Variants in ARHGAP23 observed in about 807,000 individuals in gnomAD.
ARHGAP23 encodes Rho GTPase activating protein 23.
Under a neutral mutation model 136.3 loss-of-function variants are expected in ARHGAP23, and 34 were observed. The ratio of observed to expected loss-of-function variants is 0.25; its 90% confidence interval spans 0.19 to 0.33. The LOEUF is 0.33. Among genes scored for constraint, ARHGAP23 ranks in the 10% least tolerant of loss-of-function variants. ARHGAP23 has a pLI of 1.00. For synonymous variants in ARHGAP23, 832 were observed against 920.5 expected (o/e 0.90, Z 1.74); for missense variants, 1,808 against 2,139.0 (o/e 0.85, Z 3.05).
At position 38,482,075 on chromosome 17, in the gene ARHGAP23, A is replaced by T; in HGVS notation, c.2683A>T (p.Asn895Tyr). 6.5e-7 allele frequency: 1 copy of T among 1,549,908 alleles called. No homozygotes were observed. The highest frequency in any genetic ancestry group is 8.7e-7 in the Non-Finnish European group (1 of 1,146,382). Residue 895 changes from asparagine to tyrosine, a missense_variant, in exon 15 of 24, where the codon AAT (asparagine) becomes TAT (tyrosine). Coordinates refer to ENST00000622683, the MANE Select transcript of ARHGAP23 (RefSeq NM_001199417.2). ...CTGGGGCATCAACATCATCAAGAAA[A>T]ATAAGAAGGCCGCTCCGAGGGCGTT... Reference protein sequence around the residue: ...TPWGINIIKKNKKAAPRAFGV... With the variant: ...TPWGINIIKKYKKAAPRAFGV...
At chr17:38,436,406 G>A (rs1410579116) in intron 1 of ARHGAP23, among the ~76,000 whole-genome samples, 2 of 149,770 alleles carry the variant, frequency 1.3e-5, no homozygotes, top group Non-Finnish European at 3.0e-5. Context: ...CAAAAAAAAC[G>A]CTGAGGAGAG....
At chr17:38,468,558 C>T (rs1319150231) in intron 7 of ARHGAP23, among the ~76,000 whole-genome samples, 7 of 152,190 alleles carry the variant, frequency 4.6e-5, no homozygotes, top group Admixed American at 4.6e-4. Flanking sequence ...AGGGGGAAGA[C>T]ACAGCCCTGG....
intron 1 of ARHGAP23, among the ~76,000 whole-genome samples, chr17:38,449,908 T>C (rs1272012015): frequency 1.3e-5 from 2 of 152,162 alleles, no homozygotes; most frequent in Non-Finnish European, 2.9e-5. Flanking sequence ...CCACACGCCC[T>C]GCAACACGTC....
chr17:38,429,708 C>T (rs1434391042), intron 1 of ARHGAP23, among the ~76,000 whole-genome samples: 1 of 151,096 alleles, frequency 6.6e-6, no homozygotes. Context: ...TCAGGATGGA[C>T]GGGGGGTGGG....
At chr17:38,431,537 C>A (rs751937842) in intron 1 of ARHGAP23, among the ~76,000 whole-genome samples, 4 of 152,172 alleles carry the variant, frequency 2.6e-5, no homozygotes, top group Non-Finnish European at 5.9e-5. Context: ...GATCCAGGCC[C>A]CCCTGTTTCT....
chr17:38,449,607 C>T (rs1289762300), intron 1 of ARHGAP23, among the ~76,000 whole-genome samples: 7 of 152,142 alleles, frequency 4.6e-5, no homozygotes, highest in East Asian at 1.9e-4. Context: ...GTGGGCGGGG[C>T]GGGCATGTGT....
In ARHGAP23 at chr17:38,462,857, C is replaced by T. The variant is rs923947982; in HGVS notation, c.265C>T (p.Arg89Trp). 50 of 1,521,236 alleles carry T rather than the reference C, an allele frequency of 3.3e-5. No homozygotes were observed. The Middle Eastern group carries it at 5.1e-4, about 15-fold the overall frequency. The allele number at this position is 1,521,236 out of a possible 1,614,324, so 94.2% of individuals were successfully genotyped here. Residue 89 changes from arginine (R) to tryptophan (W), a missense_variant, in exon 4 of 24, where the codon CGG (arginine) becomes TGG (tryptophan). Transcript: ENST00000622683. ...NGGRGGGPSP[R>W]YRLEPMDTIF... ...CTGATGCCCACTAGGACCCTCCCCC[C>T]GGTACCGCCTGGAGCCCATGGACAC...
chr17:38,460,674 C>T (rs993778933), intron 2 of ARHGAP23, among the ~76,000 whole-genome samples: 2 of 152,186 alleles, frequency 1.3e-5, no homozygotes, highest in African/African-American at 4.8e-5. Context: ...TGTTGGATTG[C>T]GGGTTCCCTG....
rs530074471 is a variant in ARHGAP23, at chr17:38,505,251, T to C, written c.3447+4623T>C. Among the ~76,000 whole-genome samples, 484 of 152,040 alleles carry C rather than the reference T, an allele frequency of 3.2e-3. 2 individuals are homozygous for C. The highest frequency in any genetic ancestry group is 6.8e-3 in the Middle Eastern group (2 of 294). On this transcript the variant is annotated intron_variant, in intron 23 of 23. Coordinates refer to ENST00000622683, the MANE Select transcript of ARHGAP23 (RefSeq NM_001199417.2). ...TTGAATTCCTGGCTTCAATGGATCC[T>C]GCTGCCTCGGCCTCCCAAAGTGCTG...
At chr17:38,427,905 A>AG (rs556410496), upstream of ARHGAP23, among the ~76,000 whole-genome samples, 441 of 152,292 alleles carry the variant, frequency 2.9e-3, 5 homozygotes, top group African/African-American at 0.01. Context: ...TCTAAAGGGA[A>AG]GGGGGCCTCT....
In ARHGAP23 at chr17:38,467,057, C is replaced by G. The variant is rs1597797249; in HGVS notation, c.1374C>G (p.Phe458Leu). 6.4e-7 allele frequency: 1 copy of G among 1,550,992 alleles called. No individual in the cohort carries two copies. Among genetic ancestry groups the G allele is most frequent in the East Asian group, 2.4e-5 (1 of 40,918 alleles). ...ACCTGGCCCAGTCCCCTGCGTCATT[C>G]CCACCAGAGGCCTCCGAGCCACCCA... is the stretch of plus-strand genomic sequence containing the variant. ...TFNLAQSPAS[F>L]PPEASEPPRV... Residue 458 changes from phenylalanine (F) to leucine (L), a missense_variant, in exon 7 of 24, where the codon TTC becomes TTG. Coordinates refer to ENST00000622683, the MANE Select transcript of ARHGAP23 (RefSeq NM_001199417.2).
intron 23 of ARHGAP23, among the ~76,000 whole-genome samples, chr17:38,508,399 G>A (rs2040680786): frequency 6.6e-6 from 1 of 152,226 alleles, no homozygotes; most frequent in Non-Finnish European, 1.5e-5. Context: ...GGCTGTGTTG[G>A]GGTTGGGGTC....
In ARHGAP23 at chr17:38,460,889, CCT is replaced by C. The variant is rs1438342364; in HGVS notation, c.226-13_226-12del. On this transcript the variant is annotated splice_polypyrimidine_tract_variant and intron_variant, in intron 2 of 23. Coordinates refer to ENST00000622683, the MANE Select transcript of ARHGAP23 (RefSeq NM_001199417.2). Reference sequence around the variant, plus strand: ...GGCTGGACTGACGCCCACACCCACTCCTCTGTTCCCTGCAGGAGGAAGAGAAT... The same window carrying C: ...GGCTGGACTGACGCCCACACCCACTCCTGTTCCCTGCAGGAGGAAGAGAAT... The C allele has an allele frequency of 6.5e-7, 1 of 1,536,090 alleles. No homozygotes were observed. The highest frequency in any genetic ancestry group is 2.0e-5 in the Admixed American group (1 of 50,986).
At chr17:38,492,307 C>T (rs1254922665) in intron 20 of ARHGAP23, among the ~76,000 whole-genome samples, 1 of 152,130 alleles carries the variant, frequency 6.6e-6, no homozygotes, top group Non-Finnish European at 1.5e-5. Flanking sequence ...TTGTTACAGC[C>T]CACAAAGGAT....
At chr17:38,460,189 C>T (rs2039424160) in intron 2 of ARHGAP23, among the ~76,000 whole-genome samples, 1 of 152,192 alleles carries the variant, frequency 6.6e-6, no homozygotes, top group Admixed American at 6.5e-5. Context: ...TCCCAGAGGC[C>T]TCCCAGTGGG....
At chr17:38,481,141 A>G (rs1411245521) in intron 14 of ARHGAP23, among the ~76,000 whole-genome samples, 1 of 149,910 alleles carries the variant, frequency 6.7e-6, no homozygotes, top group Non-Finnish European at 1.5e-5. Context: ...ACGCCCGGCT[A>G]ATTTTTTTTT....
At position 38,466,443 on chromosome 17, in the gene ARHGAP23, C is replaced by T. The variant is rs1050404530; in HGVS notation, c.760C>T (p.Pro254Ser). 6 of 1,526,100 alleles carry T rather than the reference C, an allele frequency of 3.9e-6. No individual in the cohort carries two copies. Among genetic ancestry groups the T allele is most frequent in the East Asian group, 4.9e-5 (2 of 40,684 alleles). 94.5% of individuals were successfully genotyped at this position (1,526,100 alleles called of 1,614,324 possible). A position where few individuals can be genotyped will look rare whatever the true frequency, so the allele number is the denominator to read the frequency against. ...GGGGATGAGCCAGCCCCGCCCCAGC[C>T]CTGGTGCCTTCCCCCACCTCTCCTC... ...SLGMSQPRPSPGAFPHLSSEP... is the reference protein window; with the variant it reads ...SLGMSQPRPSSGAFPHLSSEP... Residue 254 changes from proline to serine, a missense_variant, in exon 7 of 24, where the codon CCT becomes TCT. Transcript: ENST00000622683.
rs1156474555 is a variant in ARHGAP23, at chr17:38,428,496, T to C, written c.11T>C (p.Val4Ala). 1 of 1,449,240 alleles carries C rather than the reference T, an allele frequency of 6.9e-7. No individual in the cohort carries two copies. The highest frequency in any genetic ancestry group is 3.1e-5 in the East Asian group (1 of 32,634). The allele number at this position is 1,449,240 out of a possible 1,614,324, so 89.8% of individuals were successfully genotyped here. Reference protein sequence around the residue: MNGVAFCLVGIPPR... With the variant: MNGAAFCLVGIPPR... ...CGCCGCTGCCACCCGATGAATGGAG[T>C]CGCCTTCTGCCTGGTCGGGATCCCG... Residue 4 changes from valine (V) to alanine (A), a missense_variant, in exon 1 of 24, where the codon GTC becomes GCC. Physicochemically the swap from Val to Ala is moderately conservative, Grantham distance 64. This residue lies in a region of ARHGAP23 where 859 missense variants were observed against 936.4 expected (regional missense o/e 0.92). Coordinates refer to ENST00000622683, the MANE Select transcript of ARHGAP23 (RefSeq NM_001199417.2).
At chr17:38,473,843 G>A (rs533780155) in intron 11 of ARHGAP23, among the ~76,000 whole-genome samples, 2 of 152,334 alleles carry the variant, frequency 1.3e-5, no homozygotes, top group Admixed American at 6.5e-5. Flanking sequence ...TGGAAGATGA[G>A]CTGGGGAATT....
Sources: gnomAD v4.1 joint callset for allele counts (sites outside exome capture counted in the v4.1 genomes callset) on GRCh38, gnomAD v4.1.1 for gene constraint, gnomAD v4.1.1 regional missense constraint, MANE v1.5 for transcripts, NCBI Gene and HGNC (gene_info 2026-07-23, HGNC 2026-07-21) for gene names.